The following MAGI2 variants were observed in gnomAD, a reference collection of about 807,000 sequenced individuals.
MAGI2 encodes membrane associated guanylate kinase, WW and PDZ domain containing 2.
MAGI2 carries 35 observed loss-of-function variants against 133.3 expected under a neutral mutation model. The observed-to-expected ratio is 0.26, with a 90% CI of 0.20 to 0.35. MAGI2 has a LOEUF of 0.35. Among genes scored for constraint, MAGI2 ranks in the 10% least tolerant of loss-of-function variants. MAGI2 has a pLI of 1.00. For synonymous variants in MAGI2, 729 were observed against 710.6 expected, an observed-to-expected ratio of 1.03 and a Z score of -0.41; for missense variants, 1,636 against 1,863.4, an observed-to-expected ratio of 0.88 and a Z score of 2.25.
At chr7:78,600,520 A>G (rs1664617936) in intron 3 of MAGI2, among the ~76,000 whole-genome samples, 1 of 152,202 alleles carries the variant, frequency 6.6e-6, no homozygotes, top group Admixed American at 6.5e-5. Flanking sequence ...TGTAGAAAAT[A>G]GCATTCACTA....
intron 21 of MAGI2, among the ~76,000 whole-genome samples, chr7:78,059,252 G>A (rs1812973543): frequency 1.3e-5 from 2 of 152,038 alleles, no homozygotes; most frequent in South Asian, 4.2e-4. Flanking sequence ...AGCCTCTGTG[G>A]GTATTTTTCA....
At chr7:78,506,240 G>A (rs1417001524) in intron 4 of MAGI2, among the ~76,000 whole-genome samples, 1 of 152,244 alleles carries the variant, frequency 6.6e-6, no homozygotes, top group East Asian at 1.9e-4. Flanking sequence ...GCCATGGTGG[G>A]TGGCAAGGCT....
chr7:78,180,750 G>T (rs1228372068), intron 13 of MAGI2, among the ~76,000 whole-genome samples: 1 of 151,744 alleles, frequency 6.6e-6, no homozygotes, highest in South Asian at 2.1e-4. Flanking sequence ...TCATGAGCAG[G>T]AAACAGAGGC....
intron 16 of MAGI2, among the ~76,000 whole-genome samples, chr7:78,154,786 G>A (rs946566841): frequency 6.6e-6 from 1 of 152,178 alleles, no homozygotes; most frequent in Admixed American, 6.5e-5. Flanking sequence ...TAAGGAGGTA[G>A]GAAGCACCTA....
At chr7:79,103,866 A>AT (rs370812338) in intron 1 of MAGI2, among the ~76,000 whole-genome samples, 4 of 151,064 alleles carry the variant, frequency 2.6e-5, no homozygotes, top group African/African-American at 7.3e-5. Context: ...CACCTGGCTA[A>AT]TTTTTTTTAT....
At chr7:79,140,610 G>T (rs1423619561) in intron 1 of MAGI2, among the ~76,000 whole-genome samples, 3 of 152,160 alleles carry the variant, frequency 2.0e-5, no homozygotes, top group African/African-American at 7.2e-5. Flanking sequence ...GCATCAAAAA[G>T]TCAAAATAGC....
chr7:78,158,927 G>T (rs1824673999), intron 16 of MAGI2, among the ~76,000 whole-genome samples: 1 of 152,030 alleles, frequency 6.6e-6, no homozygotes, highest in African/African-American at 2.4e-5. Flanking sequence ...CAGTGTATCA[G>T]CTGACACCAC....
chr7:78,762,797 A>AGT (rs1824643755), intron 2 of MAGI2, among the ~76,000 whole-genome samples: 1 of 152,252 alleles, frequency 6.6e-6, no homozygotes, highest in South Asian at 2.1e-4. Context: ...CTATCCAGGC[A>AGT]GTGACCTTCA....
rs117592813 is a variant in MAGI2, at chr7:78,536,495, T to A, written c.539-14850A>T. ...GGGCAAGGAGAACCTGTTGGGTAGT[T>A]ACAGCTTGGGCTAGTGGAAGGTGAT... On this transcript the variant is annotated intron_variant, in intron 3 of 21. Coordinates refer to ENST00000354212, the MANE Select transcript of MAGI2 (RefSeq NM_012301.4). 1.2e-4 allele frequency among the ~76,000 whole-genome samples: 18 copies of A among 152,252 alleles called. No homozygotes were observed. In the East Asian group the frequency reaches 3.3e-3, roughly 28 times the overall value.
At chr7:78,452,859 A>T (rs1024410088) in intron 6 of MAGI2, among the ~76,000 whole-genome samples, 4 of 152,096 alleles carry the variant, frequency 2.6e-5, no homozygotes, top group Non-Finnish European at 5.9e-5. Flanking sequence ...AAGTTATGTT[A>T]GTATTTATTA....
At chr7:78,568,780 C>T (rs1801202084) in intron 3 of MAGI2, among the ~76,000 whole-genome samples, 1 of 151,826 alleles carries the variant, frequency 6.6e-6, no homozygotes, top group Non-Finnish European at 1.5e-5. Context: ...TAAATTATGC[C>T]TTAATAAAGC....
chr7:78,869,435 T>G (rs1357965139), intron 2 of MAGI2, among the ~76,000 whole-genome samples: 1 of 152,232 alleles, frequency 6.6e-6, no homozygotes, highest in Non-Finnish European at 1.5e-5. Flanking sequence ...TTCATTCTTC[T>G]GCATGATGCC....
rs986503537 is a variant in MAGI2 at position 78,885,605 on chromosome 7, G to A, written c.418+121485C>T. 7.4e-5 allele frequency among the ~76,000 whole-genome samples: 11 copies of A among 148,458 alleles called. No homozygotes were observed. In the East Asian group the frequency reaches 2.2e-3, roughly 30 times the overall value. ...CTTAAAGTCTGCTCAGAGGGCAACT[G>A]AGCATCCTTTATTGAAAGGAATAGT... On this transcript the variant is annotated intron_variant, in intron 2 of 21. Transcript: ENST00000354212.
At chr7:78,735,244 T>C (rs1195978735) in intron 2 of MAGI2, among the ~76,000 whole-genome samples, 1 of 152,140 alleles carries the variant, frequency 6.6e-6, no homozygotes, top group Admixed American at 6.6e-5. Flanking sequence ...TATTTCTTTG[T>C]TTTACCTTGT....
At chr7:78,675,909 A>G (rs906084305) in intron 2 of MAGI2, among the ~76,000 whole-genome samples, 2 of 152,168 alleles carry the variant, frequency 1.3e-5, no homozygotes, top group African/African-American at 4.8e-5. Flanking sequence ...ACACTGGCCT[A>G]GTTCCTTCTT....
At chr7:78,414,922 G>T (rs1798166984) in intron 6 of MAGI2, among the ~76,000 whole-genome samples, 1 of 152,042 alleles carries the variant, frequency 6.6e-6, no homozygotes, top group Non-Finnish European at 1.5e-5. Flanking sequence ...AATTATTTCA[G>T]ACATTTAAAT....
At chr7:78,932,499 G>A (rs1325464463) in intron 2 of MAGI2, among the ~76,000 whole-genome samples, 1 of 150,822 alleles carries the variant, frequency 6.6e-6, no homozygotes, top group Non-Finnish European at 1.5e-5. Context: ...AAGAACAGAA[G>A]TTAATGAAAA....
intron 16 of MAGI2, among the ~76,000 whole-genome samples, chr7:78,142,780 C>T (rs1822892257): frequency 6.6e-6 from 1 of 152,092 alleles, no homozygotes; most frequent in Non-Finnish European, 1.5e-5. Context: ...TAGTCATGAT[C>T]CTCAAATCTG....
chr7:78,200,686 A>G (rs1283364452), intron 11 of MAGI2, among the ~76,000 whole-genome samples: 1 of 152,178 alleles, frequency 6.6e-6, no homozygotes, highest in Non-Finnish European at 1.5e-5. Flanking sequence ...GCTAACATAT[A>G]TATACACATG....
Sources: allele counts gnomAD v4.1 joint callset (sites outside exome capture counted in the v4.1 genomes callset), GRCh38; gene constraint gnomAD v4.1.1; transcripts MANE v1.5; gene names NCBI Gene and HGNC (gene_info 2026-07-23, HGNC 2026-07-21).